The following MED13L variants were observed in gnomAD, a reference collection of about 807,000 sequenced individuals.
The protein encoded by MED13L is mediator complex subunit 13L, also known as mediator of RNA polymerase II transcription subunit 13-like.
MED13L carries 7 observed loss-of-function variants against 220.9 expected under a neutral mutation model. That is an observed-to-expected ratio of 0.03 (90% CI 0.02 to 0.06). The LOEUF (loss-of-function observed/expected upper bound fraction) is 0.06. Ranked by LOEUF, MED13L falls within the 10% of genes least tolerant of loss-of-function variation. The pLI, the probability that MED13L is intolerant of heterozygous loss-of-function variation, is 1.00. For missense variants in MED13L, 1,965 were observed against 2,760.5 expected (o/e 0.71, Z 6.46); for synonymous variants, 1,011 against 1,015.2 (o/e 1.00, Z 0.08).
chr12:116,053,996 C>G (rs572618729), intron 4 of MED13L, among the ~76,000 whole-genome samples: 100 of 152,282 alleles, frequency 6.6e-4, no homozygotes, highest in African/African-American at 2.2e-3. Flanking sequence ...TCCAGTGTTT[C>G]ATCACATCTA....
At chr12:115,993,309 AT>A (rs1878187163) in intron 16 of MED13L, among the ~76,000 whole-genome samples, 1 of 152,144 alleles carries the variant, frequency 6.6e-6, no homozygotes, top group Admixed American at 6.5e-5. Flanking sequence ...TCAAAAGAAT[AT>A]TTTTAAAATT....
intron 14 of MED13L, among the ~76,000 whole-genome samples, chr12:115,997,635 T>C (rs552758123): frequency 6.6e-6 from 1 of 152,222 alleles, no homozygotes; most frequent in South Asian, 2.1e-4. Context: ...TTGCCCAGGC[T>C]GGTCTCGAAC....
At chr12:116,005,526 A>G (rs1388599058) in intron 13 of MED13L, among the ~76,000 whole-genome samples, 1 of 152,198 alleles carries the variant, frequency 6.6e-6, no homozygotes, top group Non-Finnish European at 1.5e-5. Context: ...GGACAATGTA[A>G]TACATTTCTA....
intron 4 of MED13L, among the ~76,000 whole-genome samples, chr12:116,090,907 G>C (rs990260038): frequency 6.6e-6 from 1 of 151,920 alleles, no homozygotes; most frequent in East Asian, 1.9e-4. Context: ...GGTGGATCAC[G>C]TGAGGTCAAG....
At position 115,991,436 on chromosome 12, in the gene MED13L, C is replaced by A. The variant is rs773730403; in HGVS notation, c.3518G>T (p.Gly1173Val). The A allele has an allele frequency of 1.2e-6, 2 of 1,614,060 alleles. No individual in the cohort carries two copies. Among genetic ancestry groups the A allele is most frequent in the South Asian group, 2.2e-5 (2 of 91,072 alleles). ...TTCAAGGAAGAGTCCTGAATTGTAG[C>A]CAAGTTTGCGGTTCATAATCGCACT... is the stretch of plus-strand genomic sequence containing the variant. ...GFSAIMNRKL[G>V]YNSGLFLEDE... The change falls in exon 17 of 31, where the codon GGC (glycine) becomes GTC (valine). Residue 1173 changes from glycine (G) to valine (V), a missense_variant. Transcript: ENST00000281928. The surrounding 1 kb of genome is among the most constrained non-coding windows in gnomAD (Gnocchi z 7.7).
intron 4 of MED13L, among the ~76,000 whole-genome samples, chr12:116,075,866 C>A (rs1436992387): frequency 1.3e-5 from 2 of 151,598 alleles, no homozygotes; most frequent in African/African-American, 4.8e-5. Context: ...GTGTGAGATA[C>A]ACTCTAGCCT....
At chr12:116,019,503 T>G in intron 6 of MED13L, 91 bp from the exon 7 acceptor site, 8 of 1,392,996 alleles carry the variant, frequency 5.7e-6, no homozygotes, top group Non-Finnish European at 8.1e-6. Flanking sequence ...GAAAATGAGA[T>G]GCTCATGAAG....
intron 2 of MED13L, among the ~76,000 whole-genome samples, chr12:116,181,584 C>A (rs755522140): frequency 2.6e-5 from 4 of 152,056 alleles, no homozygotes; most frequent in African/African-American, 9.7e-5. Flanking sequence ...CTCGGCTCAC[C>A]GCAACCTCCA....
At chr12:116,124,312 AT>A (rs923025849) in intron 2 of MED13L, among the ~76,000 whole-genome samples, 2 of 152,180 alleles carry the variant, frequency 1.3e-5, no homozygotes, top group Non-Finnish European at 2.9e-5. Context: ...TCTATGGCAA[AT>A]ATTGCAGAAA....
intron 2 of MED13L, among the ~76,000 whole-genome samples, chr12:116,134,104 T>G (rs1000098740): frequency 6.6e-6 from 1 of 152,226 alleles, no homozygotes; most frequent in Non-Finnish European, 1.5e-5. Flanking sequence ...AAATAAACTG[T>G]TTTTTGCTAC....
chr12:116,276,459 G>C (rs562867506), intron 1 of MED13L: 3 of 1,288,914 alleles, frequency 2.3e-6, no homozygotes, highest in East Asian at 5.5e-5. Flanking sequence ...ATGGCTTTAC[G>C]GCTCTCCAGC....
intron 2 of MED13L, among the ~76,000 whole-genome samples, chr12:116,132,646 T>A (rs1051197839): frequency 1.3e-5 from 2 of 151,738 alleles, no homozygotes; most frequent in African/African-American, 4.8e-5. Flanking sequence ...ACAGGTCGGG[T>A]GCAGGGGCTC....
chr12:116,007,438 C>T lies in MED13L; in HGVS notation c.2211G>A (p.Thr737=), dbSNP rs747879843. 50 of 1,613,260 alleles carry T rather than the reference C, an allele frequency of 3.1e-5. No homozygotes were observed. Among genetic ancestry groups the T allele is most frequent in the Non-Finnish European group, 4.0e-5 (47 of 1,179,448 alleles). The stretch of plus-strand genomic sequence containing the variant: ...TATTCTTTTTCAGGGAATCTTTCTC[C>T]GTCCCTTGTTTGCATTTCTTGTTGG... The part of the protein sequence containing the change: ...FTANKKCKQG[T]EKDSLKKNKS... The change falls in exon 11 of 31, where the codon ACG becomes ACA. Residue 737 remains threonine, a synonymous_variant. Transcript: ENST00000281928.
intron 4 of MED13L, among the ~76,000 whole-genome samples, chr12:116,027,859 T>C (rs1419619095): frequency 1.3e-5 from 2 of 152,162 alleles, no homozygotes; most frequent in African/African-American, 4.8e-5. Flanking sequence ...AATTCAACAA[T>C]GAGTTGTCAC....
intron 4 of MED13L, among the ~76,000 whole-genome samples, chr12:116,047,331 G>A (rs959770275): frequency 1.3e-5 from 2 of 152,216 alleles, no homozygotes; most frequent in African/African-American, 4.8e-5. Flanking sequence ...CAGCCTGGGT[G>A]ACAGAGAAAG....
intron 3 of MED13L, among the ~76,000 whole-genome samples, chr12:116,102,720 T>C (rs1405590692): frequency 8.7e-5 from 7 of 80,272 alleles, no homozygotes; most frequent in South Asian, 6.0e-4. Flanking sequence ...CTTTTTTTTT[T>C]TTTTTTTTTT....
At chr12:116,235,242 TA>T (rs1282403776) in intron 2 of MED13L, among the ~76,000 whole-genome samples, 2 of 152,190 alleles carry the variant, frequency 1.3e-5, no homozygotes, top group Non-Finnish European at 2.9e-5. Flanking sequence ...TAAATGAATC[TA>T]AAAACTTGCT....
chr12:115,968,912 TAAAC>T (rs1352259892), intron 28 of MED13L, 24 bp downstream of exon 28: 17 of 1,613,190 alleles, frequency 1.1e-5, no homozygotes, highest in Non-Finnish European at 1.4e-5. Context: ...ATGGTTGTCT[TAAAC>T]AACGTACTCC....
chr12:116,234,510 G>A (rs1321342906), intron 2 of MED13L, among the ~76,000 whole-genome samples: 4 of 152,050 alleles, frequency 2.6e-5, no homozygotes, highest in African/African-American at 7.2e-5. Context: ...GATTACAGGC[G>A]TGAGCCACCG....
Sources: gnomAD v4.1 joint callset for allele counts (sites outside exome capture counted in the v4.1 genomes callset) on GRCh38, gnomAD v4.1.1 for gene constraint, Gnocchi (gnomAD v3.1) non-coding constraint, MANE v1.5 for transcripts, NCBI Gene and HGNC (gene_info 2026-07-23, HGNC 2026-07-21) for gene names.